Variants in TAMM41 observed in about 807,000 individuals in gnomAD.
TAMM41 encodes TAM41 mitochondrial translocator assembly and maintenance homolog, also known as phosphatidate cytidylyltransferase, mitochondrial.
Under a neutral mutation model 44.1 loss-of-function variants are expected in TAMM41, and 36 were observed. The ratio of observed to expected loss-of-function variants is 0.82; its 90% CI spans 0.63 to 1.08. The LOEUF is 1.08. Ranked by LOEUF, TAMM41 falls within the 50% of genes least tolerant of loss-of-function variation. The pLI is 0.00. For synonymous variants in TAMM41, 164 were observed against 153.1 expected (o/e 1.07, Z -0.53); for missense variants, 417 against 404.3 (o/e 1.03, Z -0.27).
the TAMM41 span, among the ~76,000 whole-genome samples, chr3:11,778,576 T>A: frequency 6.6e-6 from 1 of 152,216 alleles, no homozygotes; most frequent in Admixed American, 6.5e-5. Flanking sequence ...GGCTCCACTG[T>A]CTTCATGTCT....
the TAMM41 span, among the ~76,000 whole-genome samples, chr3:11,767,625 C>CGTTTTTTTTTTTTTTTTT: frequency 3.6e-5 from 1 of 27,910 alleles, no homozygotes; most frequent in Non-Finnish European, 7.8e-5. Context: ...ACACGTTGTG[C>CGTTTTTTTTTTTTTTTTT]ATTTTTTTTT....
intron 3 of TAMM41, among the ~76,000 whole-genome samples, chr3:11,833,970 A>C (rs9827613): frequency 6.6e-6 from 1 of 152,122 alleles, no homozygotes; most frequent in Admixed American, 6.5e-5. Flanking sequence ...AGGCCAGACA[A>C]GGGGGCTCAT....
the TAMM41 span, among the ~76,000 whole-genome samples, chr3:11,754,328 C>T: frequency 2.0e-5 from 3 of 152,136 alleles, no homozygotes; most frequent in African/African-American, 7.2e-5. Context: ...TCCCCCACTC[C>T]TCACCAACTA....
At chr3:11,807,173 C>G (rs527727560) in intron 7 of TAMM41, 8 of 1,345,410 alleles carry the variant, frequency 5.9e-6, no homozygotes. Context: ...AGCGAAGACA[C>G]TCTCCATGAG....
chr3:11,830,714 A>AG (rs947910720), intron 3 of TAMM41: 1 of 152,188 alleles, frequency 6.6e-6, no homozygotes, highest in Admixed American at 6.5e-5. Context: ...AACAAAAAAA[A>AG]CAAACACCTA....
chr3:11,796,821 A>G (rs1483491049), intron 7 of TAMM41, among the ~76,000 whole-genome samples: 2 of 152,208 alleles, frequency 1.3e-5, no homozygotes, highest in Non-Finnish European at 2.9e-5. Flanking sequence ...GTCTCAGGAT[A>G]CAAAAATCAA....
chr3:11,744,049 G>T, the TAMM41 span, among the ~76,000 whole-genome samples: 2 of 152,084 alleles, frequency 1.3e-5, no homozygotes, highest in African/African-American at 2.4e-5. Context: ...ATCTATAAAT[G>T]GAGTAACACT....
chr3:11,758,631 G>A, the TAMM41 span, among the ~76,000 whole-genome samples: 19 of 152,142 alleles, frequency 1.2e-4, no homozygotes, highest in Admixed American at 7.2e-4. Flanking sequence ...GATTACCGGC[G>A]TGAGCCACTG....
chr3:11,843,073 G>A lies in TAMM41; in HGVS notation c.318+956C>T, dbSNP rs550945627. On this transcript the variant is annotated intron_variant, in intron 2 of 7. Coordinates refer to ENST00000455809, the MANE Select transcript of TAMM41 (RefSeq NM_001284401.2). ...CCAACAGCCCACTGTCAAATTCCAC[G>A]CGTCTCCTGGCACCAAGAGGTTCCC... 1.2e-3 allele frequency among the ~76,000 whole-genome samples: 183 copies of A among 152,254 alleles called. 2 individuals carry two copies. Among genetic ancestry groups the A allele is most frequent in the Admixed American group, 2.6e-3 (40 of 15,294 alleles).
chr3:11,836,313 T>C (rs1428694143), intron 3 of TAMM41, among the ~76,000 whole-genome samples: 1 of 151,896 alleles, frequency 6.6e-6, no homozygotes, highest in Non-Finnish European at 1.5e-5. Flanking sequence ...TTCAATACCT[T>C]TGTGGACCTT....
At chr3:11,755,822 A>T in the TAMM41 span, among the ~76,000 whole-genome samples, 1 of 152,158 alleles carries the variant, frequency 6.6e-6, no homozygotes, top group Non-Finnish European at 1.5e-5. Flanking sequence ...CACACATGCC[A>T]TGCTGTTCTC....
chr3:11,819,048 G>A (rs2078404781), intron 4 of TAMM41, among the ~76,000 whole-genome samples: 1 of 152,154 alleles, frequency 6.6e-6, no homozygotes, highest in Non-Finnish European at 1.5e-5. Flanking sequence ...CTATTATTTT[G>A]AAGGGAAAGA....
the TAMM41 span, among the ~76,000 whole-genome samples, chr3:11,777,291 GA>G: frequency 6.6e-6 from 1 of 151,818 alleles, no homozygotes; most frequent in African/African-American, 2.4e-5. Context: ...GCCGGAAGAG[GA>G]AAAAAAGGTA....
chr3:11,767,741 T>C, the TAMM41 span, among the ~76,000 whole-genome samples: 1 of 149,960 alleles, frequency 6.7e-6, no homozygotes, highest in Non-Finnish European at 1.5e-5. Flanking sequence ...TTCTCCTGCC[T>C]CAGCCACCTC....
chr3:11,834,485 T>G (rs1351553623), intron 3 of TAMM41, among the ~76,000 whole-genome samples: 1 of 152,140 alleles, frequency 6.6e-6, no homozygotes, highest in Non-Finnish European at 1.5e-5. Context: ...TTAAAAAAAG[T>G]TTGGTCACAA....
the TAMM41 span, among the ~76,000 whole-genome samples, chr3:11,756,865 CAAAAA>C: frequency 4.6e-5 from 6 of 131,522 alleles, no homozygotes; most frequent in African/African-American, 8.4e-5. Flanking sequence ...AATTCCGTCT[CAAAAA>C]AAAAAAAAAG....
At chr3:11,738,677 A>G in the TAMM41 span, among the ~76,000 whole-genome samples, 3 of 152,132 alleles carry the variant, frequency 2.0e-5, no homozygotes, top group Non-Finnish European at 4.4e-5. Context: ...CCTCCCCAAA[A>G]AATGAATCCC....
chr3:11,730,389 G>A, the TAMM41 span, among the ~76,000 whole-genome samples: 1 of 147,716 alleles, frequency 6.8e-6, no homozygotes. Flanking sequence ...CTGCACTCCA[G>A]CCTGGGCGAC....
chr3:11,737,096 A>G, the TAMM41 span, among the ~76,000 whole-genome samples: 1 of 151,786 alleles, frequency 6.6e-6, no homozygotes, highest in Admixed American at 6.6e-5. Context: ...TCTCGGACTG[A>G]TTCTCCAGCC....
Sources: allele counts gnomAD v4.1 joint callset (sites outside exome capture counted in the v4.1 genomes callset), GRCh38; gene constraint gnomAD v4.1.1; transcripts MANE v1.5; gene names NCBI Gene and HGNC (gene_info 2026-07-23, HGNC 2026-07-21).